Variants in GLI4 observed in about 807,000 individuals in gnomAD.
GLI4 encodes the protein zinc finger protein GLI4.
GLI4 carries 34 observed loss-of-function variants against 30.9 expected under a neutral mutation model. That is an observed-to-expected ratio of 1.10 (90% CI 0.84 to 1.47). GLI4 has a LOEUF of 1.47. GLI4 is among the 40% of genes most tolerant of loss of function. The pLI is 0.00. For missense variants in GLI4, 696 were observed against 538.9 expected (o/e 1.29, Z -2.89); for synonymous variants, 277 against 236.7 (o/e 1.17, Z -1.56).
chr8:143,275,864 G>T, intron 3 of GLI4, 33 bp from the exon 4 acceptor site: 1 of 1,263,554 alleles, frequency 7.9e-7, no homozygotes, highest in Non-Finnish European at 1.0e-6. Context: ...GGGGCATGCG[G>T]GTACTATCCG....
chr8:143,267,855 G>A, intron 1 of GLI4: 1 of 985,450 alleles, frequency 1.0e-6, no homozygotes, highest in Non-Finnish European at 1.2e-6. Context: ...ACCGCCGGGC[G>A]GACGCGCTCT....
intron 3 of GLI4, chr8:143,275,600 C>A: frequency 8.0e-7 from 1 of 1,246,406 alleles, no homozygotes. Flanking sequence ...AGGGTGACCC[C>A]ATGGTCTGTC....
chr8:143,274,695 G>T lies in GLI4; in HGVS notation c.125-9G>T. 6.5e-7 allele frequency: 1 copy of T among 1,546,942 alleles called. No individual in the cohort carries two copies. The highest frequency in any genetic ancestry group is 1.2e-5 in the South Asian group (1 of 84,494). The stretch of plus-strand genomic sequence containing the variant: ...GGTGGAGGTGAGCCCCAGCCTCCCT[G>T]ACCCCCAGGCTCCCCTGGCTCCAGC... On this transcript the variant is annotated splice_polypyrimidine_tract_variant and intron_variant, in intron 2 of 3. Transcript: ENST00000340042.
At chr8:143,268,993 G>A (rs538413744) in intron 1 of GLI4, among the ~76,000 whole-genome samples, 19 of 152,126 alleles carry the variant, frequency 1.2e-4, no homozygotes, top group Non-Finnish European at 2.4e-4. Context: ...ACAGGTGCCC[G>A]CCACTGCGCC....
Position 143,276,649 on chromosome 8 carries a change from T to G in GLI4, c.976T>G (p.Ser326Ala), listed in dbSNP as rs73378237. The change falls in exon 4 of 4, where the codon TCC becomes GCC. Residue 326 changes from serine (S) to alanine (A), a missense_variant. Ser to Ala is a moderately conservative substitution (Grantham distance 99). Coordinates refer to ENST00000340042, the MANE Select transcript of GLI4 (RefSeq NM_138465.4). Reference sequence around the variant, plus strand: ...CACTGGCGAGAAGCCCTACGAGTGCTCCGACTGCGGCAAAGCCTTCCGCGG... The same window carrying G: ...CACTGGCGAGAAGCCCTACGAGTGCGCCGACTGCGGCAAAGCCTTCCGCGG... Reference protein sequence around the residue: ...IHTGEKPYECSDCGKAFRGRS... With the variant: ...IHTGEKPYECADCGKAFRGRS... 8.8e-3 allele frequency: 14,130 copies of G among 1,610,956 alleles called. 972 individuals carry two copies. The African/African-American group carries it at 0.15, about 18-fold the overall frequency.
intron 3 of GLI4, 102 bp downstream of exon 3, chr8:143,274,904 C>T (rs2129686669): frequency 2.7e-6 from 4 of 1,485,696 alleles, no homozygotes; most frequent in Non-Finnish European, 3.6e-6. Flanking sequence ...GCACCACCCC[C>T]TTCCTGGGGC....
chr8:143,273,770 C>G (rs1192390930), intron 2 of GLI4, among the ~76,000 whole-genome samples: 1 of 152,230 alleles, frequency 6.6e-6, no homozygotes, highest in East Asian at 1.9e-4. Context: ...TTCGGCCTCA[C>G]GGGGCTAAGA....
Position 143,276,033 on chromosome 8 carries a change from A to T in GLI4, c.360A>T (p.Glu120Asp). Residue 120 changes from glutamate to aspartate, a missense_variant, in exon 4 of 4, where the codon GAA becomes GAT. Transcript: ENST00000340042. ...RARCSAGFGP[E>D]SSAERPAGQP... ...GGTGCAGCGCCGGCTTCGGGCCTGA[A>T]TCCAGCGCGGAGCGGCCGGCGGGCC... The T allele has an allele frequency of 1.4e-6, 2 of 1,390,398 alleles. No homozygotes were observed. The highest frequency in any genetic ancestry group is 1.9e-6 in the Non-Finnish European group (2 of 1,075,680). 86.1% of individuals were successfully genotyped at this position (1,390,398 alleles called of 1,614,324 possible).
chr8:143,268,190 T>A, intron 1 of GLI4: 1 of 654,446 alleles, frequency 1.5e-6, no homozygotes, highest in Non-Finnish European at 1.9e-6. Context: ...TTCCCATCAT[T>A]AGGGGATGGA....
chr8:143,273,642 C>T (rs1343864428), intron 2 of GLI4, among the ~76,000 whole-genome samples: 1 of 59,264 alleles, frequency 1.7e-5, no homozygotes, highest in African/African-American at 3.2e-5. Flanking sequence ...CTGTTATGAA[C>T]GGGGTGTCAC....
intron 3 of GLI4, 98 bp from the exon 4 acceptor site, chr8:143,275,798 GC>G: frequency 2.4e-6 from 3 of 1,243,582 alleles, no homozygotes; most frequent in African/African-American, 1.6e-5. Context: ...TCCCCTCTAA[GC>G]CCCCCCGTCC....
chr8:143,274,710 CT>C lies in GLI4; in HGVS notation c.132del (p.Gly45AlafsTer18), dbSNP rs1563736649. ...CAGCCTCCCTGACCCCCAGGCTCCC[CT>C]GGCTCCAGCCCTAAGGTGCTCTCCC... ...LHLHGHQHGS[P>X]GSSPKVLSQP... On this transcript the variant is annotated frameshift_variant, in exon 3 of 4. Transcript: ENST00000340042. LOFTEE classifies it high-confidence loss of function. The C allele has an allele frequency of 1.3e-6, 2 of 1,556,058 alleles. No individual in the cohort carries two copies. The highest frequency in any genetic ancestry group is 1.7e-6 in the Non-Finnish European group (2 of 1,147,748).
Position 143,276,188 on chromosome 8 carries a change from G to T in GLI4, c.515G>T (p.Ser172Ile). ...AAELGVNFGR[S>I]RQGSARGAKP... ...GAGCTGGGAGTCAACTTCGGTCGGA[G>T]CCGGCAGGGCAGCGCGCGGGGGGCC... The change falls in exon 4 of 4, where the codon AGC becomes ATC. Residue 172 changes from serine (S) to isoleucine (I), a missense_variant. Transcript: ENST00000340042. 6.4e-7 allele frequency: 1 copy of T among 1,562,452 alleles called. No homozygotes were observed. The highest frequency in any genetic ancestry group is 8.7e-7 in the Non-Finnish European group (1 of 1,154,254).
intron 3 of GLI4, chr8:143,275,198 G>T: frequency 6.5e-7 from 1 of 1,535,516 alleles, no homozygotes; most frequent in Non-Finnish European, 8.7e-7. Context: ...CCCCTAGATG[G>T]CCTCCCCTCA....
chr8:143,275,756 C>T, intron 3 of GLI4, 141 bp from the exon 4 acceptor site: 12 of 1,239,412 alleles, frequency 9.7e-6, no homozygotes, highest in Non-Finnish European at 1.2e-5. Flanking sequence ...GTCCGCTTGT[C>T]TCCCATCCAC....
chr8:143,275,943 G>A lies in GLI4; in HGVS notation c.270G>A (p.Gln90=), dbSNP rs1815374889. Residue 90 remains glutamine, a synonymous_variant, in exon 4 of 4, where the codon CAG becomes CAA. Transcript: ENST00000340042. ...AGGCTCCACGCTCTCCTGGCTCTCAGGCCCCTGACGAGGGGGCGGGCGGGG... is the reference window on the plus strand; with the variant it reads ...AGGCTCCACGCTCTCCTGGCTCTCAAGCCCCTGACGAGGGGGCGGGCGGGG... ...PEQAPRSPGS[Q]APDEGAGGAL... 5.3e-6 allele frequency: 7 copies of A among 1,330,630 alleles called. No individual in the cohort carries two copies. Among genetic ancestry groups the A allele is most frequent in the Non-Finnish European group, 6.7e-6 (7 of 1,041,222 alleles). The allele number at this position is 1,330,630 out of a possible 1,614,324, so 82.4% of individuals were successfully genotyped here.
rs145117531 is a variant in GLI4 at position 143,276,588 on chromosome 8, C to T, written c.915C>T (p.Ile305=). The change falls in exon 4 of 4, where the codon ATC becomes ATT. Residue 305 remains isoleucine, a synonymous_variant. Coordinates refer to ENST00000340042, the MANE Select transcript of GLI4 (RefSeq NM_138465.4). Reference sequence around the variant, plus strand: ...GCAGCCAGTGCGGCAAGGCCTTCATCTGGAGCTCCGTGCTCATCGAGCACC... The same window carrying T: ...GCAGCCAGTGCGGCAAGGCCTTCATTTGGAGCTCCGTGCTCATCGAGCACC... The part of the protein sequence containing the change: ...YACSQCGKAF[I]WSSVLIEHQR... The T allele has an allele frequency of 3.7e-6, 6 of 1,611,686 alleles. No individual in the cohort carries two copies. In the South Asian group the frequency reaches 5.5e-5, roughly 15 times the overall value.
At chr8:143,269,848 G>A (rs1320746516) in intron 2 of GLI4, among the ~76,000 whole-genome samples, 1 of 152,232 alleles carries the variant, frequency 6.6e-6, no homozygotes, top group Non-Finnish European at 1.5e-5. Context: ...GCAAGGCATC[G>A]CCCCTCTGAG....
Position 143,276,862 on chromosome 8 carries a change from TC to T in GLI4, c.*63del. On this transcript the variant is annotated 3_prime_UTR_variant, in exon 4 of 4. Coordinates refer to ENST00000340042, the MANE Select transcript of GLI4 (RefSeq NM_138465.4). ...TGCCCCCAACCCACCCTCCACCCCG[TC>T]CCCCACGGTGGGCACTGCCCAGCAC... is the stretch of plus-strand genomic sequence containing the variant. 1 of 1,106,118 alleles carries T rather than the reference TC, an allele frequency of 9.0e-7. No homozygotes were observed. The highest frequency in any genetic ancestry group is 1.3e-6 in the Non-Finnish European group (1 of 789,668). 68.5% of individuals were successfully genotyped at this position (1,106,118 alleles called of 1,614,324 possible). A position where few individuals can be genotyped will look rare whatever the true frequency, so the allele number is the denominator to read the frequency against.
Sources: allele counts gnomAD v4.1 joint callset (sites outside exome capture counted in the v4.1 genomes callset), GRCh38; gene constraint gnomAD v4.1.1; transcripts MANE v1.5; gene names NCBI Gene and HGNC (gene_info 2026-07-23, HGNC 2026-07-21).